IFFO1: variants seen among roughly 807,000 people sequenced by gnomAD.
The protein encoded by IFFO1 is intermediate filament family orphan 1.
In IFFO1, 42 loss-of-function variants were observed where a neutral mutation model predicts 59.6. The ratio of observed to expected loss-of-function variants is 0.70; its 90% CI spans 0.55 to 0.91. The LOEUF is 0.91. Ranked by LOEUF, IFFO1 falls within the 40% of genes least tolerant of loss-of-function variation. The pLI, the probability that IFFO1 is intolerant of heterozygous loss-of-function variation, is 0.00. For missense variants in IFFO1, 711 were observed against 793.2 expected (o/e 0.90, Z 1.24); for synonymous variants, 336 against 342.8 (o/e 0.98, Z 0.22).
At chr12:6,551,814 T>A in intron 1 of IFFO1, 1 of 298,338 alleles carries the variant, frequency 3.4e-6, no homozygotes, top group Non-Finnish European at 6.7e-6. Flanking sequence ...AGATTAAGAC[T>A]GCAAGTGGGC....
rs1377206703 is a variant in IFFO1 at position 6,549,828 on chromosome 12, G to A, written c.999C>T (p.Arg333=). ...CGCAGAGCTTGGCGGTGATGTCGAT[G>A]CGGCGGCAGATGTCCATATCCACCT... The part of the protein sequence containing the change: ...AMKVDMDICR[R]IDITAKLCDV... The change falls in exon 4 of 10, where the codon CGC becomes CGT. Residue 333 remains arginine (R), a synonymous_variant. Coordinates refer to ENST00000619571, the MANE Select transcript of IFFO1 (RefSeq NM_001193457.2). The surrounding 1 kb of genome is among the most constrained non-coding windows in gnomAD (Gnocchi z 5.0). 1.2e-6 allele frequency: 2 copies of A among 1,614,186 alleles called. No homozygotes were observed. The highest frequency in any genetic ancestry group is 1.7e-6 in the Non-Finnish European group (2 of 1,180,008).
At chr12:6,550,366 T>C (rs1947179202) in intron 3 of IFFO1, 2 of 449,344 alleles carry the variant, frequency 4.5e-6, no homozygotes, top group African/African-American at 1.9e-5. Flanking sequence ...CACGCGTTTA[T>C]TTCCCCACGC....
In IFFO1 at chr12:6,541,408, C is replaced by T; in HGVS notation, c.1610+104G>A. On this transcript the variant is annotated intron_variant, in intron 9 of 9. Transcript: ENST00000619571. The surrounding 1 kb of genome is among the most constrained non-coding windows in gnomAD (Gnocchi z 4.8). ...TAACTCCCAAAGGGCAGCCCCACAG[C>T]AAGATGTGACCCAGTCATTGCCTGA... 1 of 1,453,608 alleles carries T rather than the reference C, an allele frequency of 6.9e-7. No individual in the cohort carries two copies. The highest frequency in any genetic ancestry group is 9.4e-7 in the Non-Finnish European group (1 of 1,067,058). The allele number at this position is 1,453,608 out of a possible 1,614,324, so 90.0% of individuals were successfully genotyped here. A position where few individuals can be genotyped will look rare whatever the true frequency, so the allele number is the denominator to read the frequency against.
At chr12:6,551,748 C>T (rs1260581148) in intron 1 of IFFO1, 2 of 346,750 alleles carry the variant, frequency 5.8e-6, no homozygotes, top group Non-Finnish European at 1.1e-5. Context: ...TAAAGGGGCC[C>T]GGTGAGTACG....
intron 8 of IFFO1, chr12:6,545,007 G>T (rs1043013847): frequency 6.6e-6 from 1 of 152,120 alleles, no homozygotes; most frequent in Non-Finnish European, 1.5e-5. Context: ...GAGGTCAGGA[G>T]ATCGAGACCA....
chr12:6,549,998 G>C lies in IFFO1; in HGVS notation c.931-102C>G, dbSNP rs750590903. The C allele has an allele frequency of 3.1e-6, 4 of 1,306,696 alleles. No individual in the cohort carries two copies. Among genetic ancestry groups the C allele is most frequent in the Non-Finnish European group, 4.2e-6 (4 of 954,654 alleles). 80.9% of individuals were successfully genotyped at this position (1,306,696 alleles called of 1,614,324 possible). On this transcript the variant is annotated intron_variant, in intron 3 of 9. Coordinates refer to ENST00000619571, the MANE Select transcript of IFFO1 (RefSeq NM_001193457.2). The surrounding 1 kb of genome is among the most constrained non-coding windows in gnomAD (Gnocchi z 5.0). ...TCATCCTTCCCACCACATTGCACCGGTGCCTCTTCTGTGGAGTCTCCCTGA... is the reference window on the plus strand; with the variant it reads ...TCATCCTTCCCACCACATTGCACCGCTGCCTCTTCTGTGGAGTCTCCCTGA...
Position 6,548,831 on chromosome 12 carries a change from T to C in IFFO1, c.1099A>G (p.Ile367Val). ...QKKLSLHLSPIKVPSMGGRKR... is the reference protein window; with the variant it reads ...QKKLSLHLSPVKVPSMGGRKR... ...CGCCCCCCCATGGATGGGACCTTAATGGGAGACAAGTGCAGAGACTACAGA... is the reference window on the plus strand; with the variant it reads ...CGCCCCCCCATGGATGGGACCTTAACGGGAGACAAGTGCAGAGACTACAGA... Residue 367 changes from isoleucine to valine, a missense_variant, in exon 6 of 10, where the codon ATT becomes GTT. This residue lies in a region of IFFO1 where 579 missense variants were observed against 650.3 expected (regional missense o/e 0.89). Transcript: ENST00000619571. This position sits in a 1 kb window ranked among gnomAD's most constrained non-coding sequence, Gnocchi z 6.1. The C allele has an allele frequency of 6.2e-7, 1 of 1,611,074 alleles. No individual in the cohort carries two copies. Among genetic ancestry groups the C allele is most frequent in the South Asian group, 1.1e-5 (1 of 90,786 alleles).
Position 6,541,439 on chromosome 12 carries a change from T to G in IFFO1, c.1610+73A>C. 6.3e-7 allele frequency: 1 copy of G among 1,579,364 alleles called. No individual in the cohort carries two copies. On this transcript the variant is annotated intron_variant, in intron 9 of 9. Coordinates refer to ENST00000619571, the MANE Select transcript of IFFO1 (RefSeq NM_001193457.2). The surrounding 1 kb of genome is among the most constrained non-coding windows in gnomAD (Gnocchi z 4.8). ...GTGACCCAGTCATTGCCTGAGGGTC[T>G]CTGGGGCTGTGTTCCAACCTTTCTC...
chr12:6,548,919 TG>T lies in IFFO1; in HGVS notation c.1081-71del. The T allele has an allele frequency of 2.2e-6, 3 of 1,334,216 alleles. No homozygotes were observed. Among genetic ancestry groups the T allele is most frequent in the South Asian group, 1.3e-5 (1 of 75,328 alleles). 82.6% of individuals were successfully genotyped at this position (1,334,216 alleles called of 1,614,324 possible). A position where few individuals can be genotyped will look rare whatever the true frequency, so the allele number is the denominator to read the frequency against. ...GGAGGCCGGGCAGAGAGGGTGGGAA[TG>T]GGGGAGAAGCATGAACCAGTAGGAA... On this transcript the variant is annotated intron_variant, in intron 5 of 9. Transcript: ENST00000619571. This position sits in a 1 kb window ranked among gnomAD's most constrained non-coding sequence, Gnocchi z 6.1.
chr12:6,552,611 G>C (rs1445131685), intron 1 of IFFO1, among the ~76,000 whole-genome samples: 4 of 152,246 alleles, frequency 2.6e-5, no homozygotes. Context: ...GAGGGAGACA[G>C]TAAGCCTGTC....
In IFFO1 at chr12:6,549,712, C is replaced by A. The variant is rs1319462929; in HGVS notation, c.1071+44G>T. 1.9e-6 allele frequency: 3 copies of A among 1,587,506 alleles called. No individual in the cohort carries two copies. Among genetic ancestry groups the A allele is most frequent in the South Asian group, 2.3e-5 (2 of 88,372 alleles). On this transcript the variant is annotated intron_variant, in intron 4 of 9. Coordinates refer to ENST00000619571, the MANE Select transcript of IFFO1 (RefSeq NM_001193457.2). This position sits in a 1 kb window ranked among gnomAD's most constrained non-coding sequence, Gnocchi z 5.0. Reference sequence around the variant, plus strand: ...GGCCAGCCGCCACGGAAGCATCCACCTGCCCCACCCACCCCTGAGAGCAGA... The same window carrying A: ...GGCCAGCCGCCACGGAAGCATCCACATGCCCCACCCACCCCTGAGAGCAGA...
intron 8 of IFFO1, among the ~76,000 whole-genome samples, chr12:6,545,317 G>A (rs1028318594): frequency 3.9e-5 from 6 of 152,234 alleles, no homozygotes; most frequent in African/African-American, 1.2e-4. Flanking sequence ...GGTGAACCTT[G>A]ATCTGAAAAT....
intron 8 of IFFO1, among the ~76,000 whole-genome samples, chr12:6,543,225 C>T (rs537044826): frequency 2.9e-4 from 44 of 152,306 alleles, no homozygotes; most frequent in Non-Finnish European, 5.3e-4. Context: ...ACCTTGGGTA[C>T]TCCTGAGGTC....
chr12:6,541,597 C>G lies in IFFO1; in HGVS notation c.1525G>C (p.Glu509Gln). The G allele has an allele frequency of 1.9e-6, 3 of 1,614,178 alleles. No homozygotes were observed. The highest frequency in any genetic ancestry group is 2.5e-6 in the Non-Finnish European group (3 of 1,180,016). Residue 509 changes from glutamate (E) to glutamine (Q), a missense_variant, in exon 9 of 10, where the codon GAG becomes CAG. Glu to Gln is a conservative substitution (Grantham distance 29, BLOSUM62 2). This residue lies in a region of IFFO1 where 579 missense variants were observed against 650.3 expected (regional missense o/e 0.89). Transcript: ENST00000619571. This position sits in a 1 kb window ranked among gnomAD's most constrained non-coding sequence, Gnocchi z 4.8. ...TTCATGCTGCACATCTCCATGTACT[C>G]GTGCAGGTGCCGGTTCATGTCGTTC... is the stretch of plus-strand genomic sequence containing the variant. ...AKNDMNRHLH[E>Q]YMEMCSMKRG...
chr12:6,548,301 G>A lies in IFFO1; in HGVS notation c.1383+124C>T. The A allele has an allele frequency of 7.6e-7, 1 of 1,320,606 alleles. No individual in the cohort carries two copies. Among genetic ancestry groups the A allele is most frequent in the African/African-American group, 1.5e-5 (1 of 68,744 alleles). The allele number at this position is 1,320,606 out of a possible 1,614,324, so 81.8% of individuals were successfully genotyped here. A position where few individuals can be genotyped will look rare whatever the true frequency, so the allele number is the denominator to read the frequency against. On this transcript the variant is annotated intron_variant, in intron 7 of 9. Transcript: ENST00000619571. This position sits in a 1 kb window ranked among gnomAD's most constrained non-coding sequence, Gnocchi z 6.1. Reference sequence around the variant, plus strand: ...AAAGAAAAGCAAAAGGATAAAGGAAGAGGGGAGACGCAGGTAGAGGATGAC... The same window carrying A: ...AAAGAAAAGCAAAAGGATAAAGGAAAAGGGGAGACGCAGGTAGAGGATGAC...
rs1205250324 is a variant in IFFO1 at position 6,555,624 on chromosome 12, G to A, written c.406C>T (p.Pro136Ser). Residue 136 changes from proline to serine, a missense_variant, in exon 1 of 10, where the codon CCC becomes TCC. Around this residue, in one of 3 missense-constraint regions of IFFO1, gnomAD observed 579 missense variants for 650.3 expected, o/e 0.89. Coordinates refer to ENST00000619571, the MANE Select transcript of IFFO1 (RefSeq NM_001193457.2). This position sits in a 1 kb window ranked among gnomAD's most constrained non-coding sequence, Gnocchi z 8.6. ...VQTGFVSPIR[P>S]LGLQLGARPA... ...CGGGCGCCCAGCTGCAGCCCCAGGGGCCGGATGGGGCTGACGAAGCCGGTC... is the reference window on the plus strand; with the variant it reads ...CGGGCGCCCAGCTGCAGCCCCAGGGACCGGATGGGGCTGACGAAGCCGGTC... The A allele has an allele frequency of 6.7e-7, 1 of 1,493,184 alleles. No homozygotes were observed. The allele number at this position is 1,493,184 out of a possible 1,614,324, so 92.5% of individuals were successfully genotyped here. A position where few individuals can be genotyped will look rare whatever the true frequency, so the allele number is the denominator to read the frequency against.
In IFFO1 at chr12:6,548,866, G is replaced by A. The variant is rs766496352; in HGVS notation, c.1081-17C>T. 14 of 1,591,444 alleles carry A rather than the reference G, an allele frequency of 8.8e-6. No individual in the cohort carries two copies. The highest frequency in any genetic ancestry group is 1.7e-4 in the Middle Eastern group (1 of 6,032). On this transcript the variant is annotated splice_polypyrimidine_tract_variant and intron_variant, in intron 5 of 9. Transcript: ENST00000619571. This position sits in a 1 kb window ranked among gnomAD's most constrained non-coding sequence, Gnocchi z 6.1. ...GTGCAGAGACTACAGAGACGAGGCC[G>A]GGTGCATGAGGAGAAAGGGCGGGAG...
At chr12:6,550,618 G>T in intron 3 of IFFO1, 77 bp downstream of exon 3, 1 of 1,135,902 alleles carries the variant, frequency 8.8e-7, no homozygotes. Context: ...AGGCCAACAG[G>T]CCAACACTAG....
rs373663883 is a variant in IFFO1 at position 6,548,814 on chromosome 12, C to G, written c.1116G>C (p.Met372Ile). ...CCTTGCGCTCCCGCTTCCGCCCCCC[C>G]ATGGATGGGACCTTAATGGGAGACA... Reference protein sequence around the residue: ...LHLSPIKVPSMGGRKRERKAA... With the variant: ...LHLSPIKVPSIGGRKRERKAA... Residue 372 changes from methionine to isoleucine, a missense_variant, in exon 6 of 10, where the codon ATG becomes ATC. Met to Ile is a conservative substitution (Grantham distance 10). Transcript: ENST00000619571. This position sits in a 1 kb window ranked among gnomAD's most constrained non-coding sequence, Gnocchi z 6.1. 6 of 1,612,896 alleles carry G rather than the reference C, an allele frequency of 3.7e-6. No individual in the cohort carries two copies. Among genetic ancestry groups the G allele is most frequent in the Non-Finnish European group, 5.1e-6 (6 of 1,179,642 alleles).
Sources: allele counts gnomAD v4.1 joint callset (sites outside exome capture counted in the v4.1 genomes callset), GRCh38; gene constraint gnomAD v4.1.1; regional missense constraint gnomAD v4.1.1; non-coding constraint Gnocchi (gnomAD v3.1); transcripts MANE v1.5; gene names NCBI Gene and HGNC (gene_info 2026-07-23, HGNC 2026-07-21).